Variants in MTPAP observed in about 807,000 individuals in gnomAD.
MTPAP encodes the protein mitochondrial poly(A) polymerase.
A neutral mutation model predicts 48.7 loss-of-function variants in MTPAP; 23 were observed. The observed-to-expected ratio is 0.47, with a 90% CI of 0.34 to 0.67. MTPAP has a LOEUF of 0.67. Ranked by LOEUF, MTPAP falls within the 30% of genes least tolerant of loss-of-function variation. The pLI, the probability that MTPAP is intolerant of heterozygous loss-of-function variation, is 0.01. For missense variants in MTPAP, 614 were observed against 694.3 expected (o/e 0.88, Z 1.30); for synonymous variants, 257 against 254.1 (o/e 1.01, Z -0.11).
chr10:30,334,018 C>T (rs1198251885), intron 4 of MTPAP, among the ~76,000 whole-genome samples: 1 of 152,090 alleles, frequency 6.6e-6, no homozygotes, highest in African/African-American at 2.4e-5. Context: ...ATTAAGTACA[C>T]AGTACTGTGG....
rs776676362 is a variant in MTPAP at position 30,349,264 on chromosome 10, G to A, written c.12C>T (p.Pro4=). The A allele has an allele frequency of 3.5e-6, 5 of 1,440,126 alleles. No individual in the cohort carries two copies. The highest frequency in any genetic ancestry group is 2.1e-5 in the Admixed American group (1 of 47,700). 89.2% of individuals were successfully genotyped at this position (1,440,126 alleles called of 1,614,324 possible). A position where few individuals can be genotyped will look rare whatever the true frequency, so the allele number is the denominator to read the frequency against. MAV[P]GVGLLTRLNL... ...TCAAACGGGTCAAGAGCCCCACGCC[G>A]GGAACCGCCATTGCTAAAAAAAAAA... Residue 4 remains proline (P), a synonymous_variant, in exon 1 of 9, where the codon CCC becomes CCT. Transcript: ENST00000263063.
intron 3 of MTPAP, among the ~76,000 whole-genome samples, chr10:30,338,940 A>G (rs932421407): frequency 2.6e-5 from 4 of 151,732 alleles, no homozygotes; most frequent in South Asian, 2.1e-4. Flanking sequence ...TGGCTAACTC[A>G]GTGAAACCCC....
At chr10:30,322,867 T>C (rs1232818739) in intron 5 of MTPAP, among the ~76,000 whole-genome samples, 2 of 152,052 alleles carry the variant, frequency 1.3e-5, no homozygotes, top group Non-Finnish European at 2.9e-5. Context: ...CCGGGCTCGG[T>C]GGCTCATGCC....
rs1294548059 is a variant in MTPAP at position 30,311,476 on chromosome 10, AAC to A, written c.*2131_*2132del. 7 of 152,322 alleles carry A rather than the reference AAC, an allele frequency of 4.6e-5. 1 individual carries two copies. In the East Asian group the frequency reaches 1.3e-3, roughly 29 times the overall value. The allele number at this position is 152,322 out of a possible 1,614,324, so 9.4% of individuals were successfully genotyped here. A position where few individuals can be genotyped will look rare whatever the true frequency, so the allele number is the denominator to read the frequency against. On this transcript the variant is annotated 3_prime_UTR_variant, in exon 9 of 9. Coordinates refer to ENST00000263063, the MANE Select transcript of MTPAP (RefSeq NM_018109.4). ...TTACATACCACAAACACCGAAAGGC[AAC>A]AGTTAAAGAGAAGTAACATTTACTT... is the stretch of plus-strand genomic sequence containing the variant.
In MTPAP at chr10:30,348,814, T is replaced by A. The variant is rs546614572; in HGVS notation, c.157+305A>T. ...GTAGCATTACTATCATTGGGAACAC[T>A]ATTTCGTCAAACTGTAAAGTGCAAG... On this transcript the variant is annotated intron_variant, in intron 1 of 8. Transcript: ENST00000263063. 3.6e-5 allele frequency: 15 copies of A among 419,280 alleles called. 1 individual carries two copies. The East Asian group carries it at 6.8e-4, about 19-fold the overall frequency. 26.0% of individuals were successfully genotyped at this position (419,280 alleles called of 1,614,324 possible). A position where few individuals can be genotyped will look rare whatever the true frequency, so the allele number is the denominator to read the frequency against.
At chr10:30,317,690 T>C (rs1840677731) in intron 6 of MTPAP, among the ~76,000 whole-genome samples, 1 of 152,182 alleles carries the variant, frequency 6.6e-6, no homozygotes, top group African/African-American at 2.4e-5. Flanking sequence ...TTGACTTATC[T>C]GACTGCATTG....
intron 3 of MTPAP, 116 bp downstream of exon 3, chr10:30,340,109 TA>T: frequency 1.1e-6 from 1 of 905,284 alleles, no homozygotes; most frequent in Non-Finnish European, 1.7e-6. Context: ...TTTCACCTTG[TA>T]AAACTGAAGA....
chr10:30,317,970 G>A (rs888458856), intron 6 of MTPAP, among the ~76,000 whole-genome samples: 6 of 152,122 alleles, frequency 3.9e-5, no homozygotes, highest in East Asian at 1.9e-4. Context: ...TGATTCTCCT[G>A]CCCCAGCCTC....
chr10:30,321,789 C>T lies in MTPAP; in HGVS notation c.1219+602G>A, dbSNP rs75403773. On this transcript the variant is annotated intron_variant, in intron 6 of 8. Coordinates refer to ENST00000263063, the MANE Select transcript of MTPAP (RefSeq NM_018109.4). ...TGTATGTACCCCTTAATTATCTTCCCTTTAGCATTTACAGTTTCAAGATTT... is the reference window on the plus strand; with the variant it reads ...TGTATGTACCCCTTAATTATCTTCCTTTTAGCATTTACAGTTTCAAGATTT... Among the ~76,000 whole-genome samples, 8 of 152,290 alleles carry T rather than the reference C, an allele frequency of 5.3e-5. No homozygotes were observed. In the East Asian group the frequency reaches 1.5e-3, roughly 29 times the overall value.
rs1234807311 is a variant in MTPAP at position 30,312,588 on chromosome 10, A to AG, written c.*1020_*1021insC. The AG allele has an allele frequency of 1.3e-5, 2 of 148,520 alleles. No individual in the cohort carries two copies. Among genetic ancestry groups the AG allele is most frequent in the African/African-American group, 5.2e-5 (2 of 38,542 alleles). The allele number at this position is 148,520 out of a possible 1,614,324, so 9.2% of individuals were successfully genotyped here. A position where few individuals can be genotyped will look rare whatever the true frequency, so the allele number is the denominator to read the frequency against. On this transcript the variant is annotated 3_prime_UTR_variant, in exon 9 of 9. Coordinates refer to ENST00000263063, the MANE Select transcript of MTPAP (RefSeq NM_018109.4). The stretch of plus-strand genomic sequence containing the variant: ...CTGTCTCAAAAAAAAAAAAAAAAAA[A>AG]AAAGAAAGAAAGAAAATACAGTACT...
intron 4 of MTPAP, among the ~76,000 whole-genome samples, chr10:30,331,669 C>T (rs12247438): frequency 0.025 from 3,755 of 152,276 alleles, 139 homozygotes; most frequent in African/African-American, 0.085. Flanking sequence ...TGGGTTCAAG[C>T]GATTCTCCTG....
At position 30,336,755 on chromosome 10, in the gene MTPAP, A is replaced by G. The variant is rs1443787819; in HGVS notation, c.780+48T>C. 3 of 1,416,336 alleles carry G rather than the reference A, an allele frequency of 2.1e-6. No individual in the cohort carries two copies. The African/African-American group carries it at 4.3e-5, about 20-fold the overall frequency. The allele number at this position is 1,416,336 out of a possible 1,614,324, so 87.7% of individuals were successfully genotyped here. A position where few individuals can be genotyped will look rare whatever the true frequency, so the allele number is the denominator to read the frequency against. Reference sequence around the variant, plus strand: ...TAAGTTCAAAGATTTTTCTTTTTATACTTTCTTAACTTTACATGATTATAG... The same window carrying G: ...TAAGTTCAAAGATTTTTCTTTTTATGCTTTCTTAACTTTACATGATTATAG... On this transcript the variant is annotated intron_variant, in intron 4 of 8. Coordinates refer to ENST00000263063, the MANE Select transcript of MTPAP (RefSeq NM_018109.4).
At chr10:30,317,935 G>A (rs772580866) in intron 6 of MTPAP, among the ~76,000 whole-genome samples, 33 of 152,094 alleles carry the variant, frequency 2.2e-4, no homozygotes, top group Non-Finnish European at 2.9e-5. Flanking sequence ...TTGGCTCACT[G>A]CAACTTCCGC....
intron 1 of MTPAP, among the ~76,000 whole-genome samples, chr10:30,344,666 C>A (rs1459001885): frequency 1.3e-5 from 2 of 152,132 alleles, no homozygotes; most frequent in African/African-American, 2.4e-5. Flanking sequence ...AAACTGATGT[C>A]CAACTGCGTA....
At chr10:30,319,455 C>T (rs368021948) in intron 6 of MTPAP, among the ~76,000 whole-genome samples, 1 of 152,216 alleles carries the variant, frequency 6.6e-6, no homozygotes, top group East Asian at 1.9e-4. Flanking sequence ...AATGATTGTA[C>T]ACAAGATTCA....
At position 30,322,383 on chromosome 10, in the gene MTPAP, A is replaced by G; in HGVS notation, c.1219+8T>C. 1 of 1,569,058 alleles carries G rather than the reference A, an allele frequency of 6.4e-7. No homozygotes were observed. Among genetic ancestry groups the G allele is most frequent in the South Asian group, 1.1e-5 (1 of 90,166 alleles). On this transcript the variant is annotated splice_region_variant and intron_variant, in intron 6 of 8. Coordinates refer to ENST00000263063, the MANE Select transcript of MTPAP (RefSeq NM_018109.4). ...AAAGAAAATGGAGAAGTTTCTTTCT[A>G]GTCTTACCTGCTAGGGTTTTTAAGG... is the stretch of plus-strand genomic sequence containing the variant.
intron 8 of MTPAP, among the ~76,000 whole-genome samples, chr10:30,315,590 T>C (rs183902592): frequency 2.6e-5 from 4 of 152,094 alleles, no homozygotes; most frequent in Admixed American, 2.0e-4. Flanking sequence ...GAAATCTATC[T>C]TTGGGACTTA....
At chr10:30,317,175 C>G (rs1001135713) in intron 6 of MTPAP, among the ~76,000 whole-genome samples, 1 of 152,122 alleles carries the variant, frequency 6.6e-6, no homozygotes, top group Non-Finnish European at 1.5e-5. Context: ...GAATTATTGT[C>G]TTTCAACAAC....
At chr10:30,330,932 T>G (rs1834658656) in intron 4 of MTPAP, among the ~76,000 whole-genome samples, 1 of 152,144 alleles carries the variant, frequency 6.6e-6, no homozygotes, top group Admixed American at 6.6e-5. Flanking sequence ...TGACCTGCTG[T>G]GACATATAAC....
Sources: allele counts gnomAD v4.1 joint callset (sites outside exome capture counted in the v4.1 genomes callset), GRCh38; gene constraint gnomAD v4.1.1; transcripts MANE v1.5; gene names NCBI Gene and HGNC (gene_info 2026-07-23, HGNC 2026-07-21).